STARD8: variants seen among roughly 807,000 people sequenced by gnomAD.
STARD8 encodes stAR-related lipid transfer protein 8.
Under a neutral mutation model 69.4 loss-of-function variants are expected in STARD8, and 25 were observed. The observed-to-expected ratio is 0.36, with a 90% CI of 0.26 to 0.50. The LOEUF is 0.50. Among genes scored for constraint, STARD8 ranks in the 20% least tolerant of loss-of-function variants. The pLI, the probability that STARD8 is intolerant of heterozygous loss-of-function variation, is 0.96. For synonymous variants in STARD8, 389 were observed against 374.6 expected, an observed-to-expected ratio of 1.04 and a Z score of -0.45; for missense variants, 921 against 932.5, an observed-to-expected ratio of 0.99 and a Z score of 0.16.
At chrX:68,697,324 T>C (rs1470553147) in intron 2 of STARD8, among the ~76,000 whole-genome samples, 2 of 112,057 alleles carry the variant, frequency 1.8e-5, no homozygotes, top group Non-Finnish European at 3.8e-5. Context: ...ACAGAGGCAG[T>C]GGCATTTGAG....
chrX:68,719,764 G>A (rs73531944), intron 7 of STARD8, among the ~76,000 whole-genome samples: 3,352 of 111,750 alleles, frequency 0.03, 136 homozygotes, highest in African/African-American at 0.1. Context: ...TTAGCCTACC[G>A]CTCCTAAGCA....
chrX:68,721,002 G>A lies in STARD8; in HGVS notation c.2128G>A (p.Val710Ile), dbSNP rs61996266. The A allele has an allele frequency of 5.4e-4, 655 of 1,210,233 alleles. 3 individuals carry two copies. The African/African-American group carries it at 9.8e-3, about 18-fold the overall frequency. Reference protein sequence around the residue: ...RQMNETSPDNVCYEGQSAYDV... With the variant: ...RQMNETSPDNICYEGQSAYDV... ...AATGAATGAGACCTCGCCTGACAAT[G>A]TCTGCTACGAGGGCCAGTCAGCCTA... The change falls in exon 9 of 15, where the codon GTC (valine) becomes ATC (isoleucine). Residue 710 changes from valine (V) to isoleucine (I), a missense_variant. Physicochemically the swap from Val to Ile is conservative, Grantham distance 29 (BLOSUM62 3). Coordinates refer to ENST00000374599, the MANE Select transcript of STARD8 (RefSeq NM_001142503.3).
At chrX:68,688,452 C>T (rs1024200542) in intron 2 of STARD8, among the ~76,000 whole-genome samples, 3 of 109,932 alleles carry the variant, frequency 2.7e-5, no homozygotes, top group African/African-American at 1.0e-4. Flanking sequence ...GCTTCCAGGG[C>T]GCCACGTCTG....
chrX:68,712,997 C>T lies in STARD8; in HGVS notation c.151+12C>T. ...GCAGCTTTTTGAAGGTAAGGCCACT[C>T]AACTGTTTACCCTCCCATACTTCCC... On this transcript the variant is annotated intron_variant, in intron 3 of 14. Coordinates refer to ENST00000374599, the MANE Select transcript of STARD8 (RefSeq NM_001142503.3). 8.4e-7 allele frequency: 1 copy of T among 1,195,940 alleles called. No individual in the cohort carries two copies. The highest frequency in any genetic ancestry group is 1.1e-6 in the Non-Finnish European group (1 of 885,650).
chrX:68,648,778 G>C (rs996768960), intron 1 of STARD8, among the ~76,000 whole-genome samples: 1 of 111,824 alleles, frequency 8.9e-6, no homozygotes, highest in Non-Finnish European at 1.9e-5. Context: ...GAGCACAGCC[G>C]AACCCACAAG....
At chrX:68,702,288 A>T (rs1445542422) in intron 2 of STARD8, among the ~76,000 whole-genome samples, 3 of 111,926 alleles carry the variant, frequency 2.7e-5, no homozygotes, top group Non-Finnish European at 5.6e-5. Flanking sequence ...CTAAAGGGAG[A>T]GCCGAGGGAG....
Position 68,721,387 on chromosome X carries a change from C to T in STARD8, c.2249-149C>T, listed in dbSNP as rs746703300. Reference sequence around the variant, plus strand: ...GTTAGTAATAAAGCTAGATCAAGCACCCAGAGACCTCACAGAACTGACATT... The same window carrying T: ...GTTAGTAATAAAGCTAGATCAAGCATCCAGAGACCTCACAGAACTGACATT... On this transcript the variant is annotated intron_variant, in intron 9 of 14. Transcript: ENST00000374599. 15 of 611,795 alleles carry T rather than the reference C, an allele frequency of 2.5e-5. No individual in the cohort carries two copies. In the Admixed American group the frequency reaches 5.2e-4, roughly 21 times the overall value. The allele number at this position is 611,795 out of a possible 1,213,427, so 50.4% of individuals were successfully genotyped here.
intron 2 of STARD8, among the ~76,000 whole-genome samples, chrX:68,698,720 G>C (rs763495919): frequency 4.1e-4 from 45 of 110,610 alleles, no homozygotes; most frequent in Non-Finnish European, 7.8e-4. Flanking sequence ...CTACAGAGTT[G>C]GGAAACGGCT....
intron 2 of STARD8, among the ~76,000 whole-genome samples, chrX:68,704,803 C>G (rs1377038306): frequency 1.8e-5 from 2 of 111,523 alleles, no homozygotes; most frequent in African/African-American, 6.5e-5. Context: ...CTACGCATCA[C>G]ACACACCTCT....
At chrX:68,662,615 C>T (rs1361866967) in intron 1 of STARD8, among the ~76,000 whole-genome samples, 1 of 111,760 alleles carries the variant, frequency 8.9e-6, no homozygotes, top group Admixed American at 9.5e-5. Context: ...TGGGACAAAC[C>T]ACAGGCTTTG....
chrX:68,718,819 G>A (rs1291403718), intron 6 of STARD8, among the ~76,000 whole-genome samples, 190 bp downstream of exon 6: 2 of 111,700 alleles, frequency 1.8e-5, no homozygotes, highest in Non-Finnish European at 3.8e-5. Context: ...TGCCTGTGCT[G>A]TGGCCTTGAG....
intron 1 of STARD8, among the ~76,000 whole-genome samples, chrX:68,653,494 C>T (rs1374811386): frequency 4.3e-5 from 2 of 46,162 alleles, no homozygotes; most frequent in African/African-American, 1.6e-4. Context: ...CCCCACACCC[C>T]TCACACACAC....
At chrX:68,693,916 G>A in intron 2 of STARD8, 3 of 652,439 alleles carry the variant, frequency 4.6e-6, no homozygotes, top group South Asian at 7.9e-5. Context: ...GGCGCGCTCC[G>A]GCTCGGCCCT....
At chrX:68,705,219 A>T (rs1355944346) in intron 2 of STARD8, among the ~76,000 whole-genome samples, 1 of 112,415 alleles carries the variant, frequency 8.9e-6, no homozygotes. Context: ...CTTCCTTGTC[A>T]TAGGGAAACC....
At chrX:68,668,393 G>C (rs185001773) in intron 2 of STARD8, among the ~76,000 whole-genome samples, 1 of 104,190 alleles carries the variant, frequency 9.6e-6, no homozygotes, top group Non-Finnish European at 1.9e-5. Flanking sequence ...GTGCAGCATA[G>C]CTCACTGCGG....
At chrX:68,658,443 T>C (rs2079623858) in intron 1 of STARD8, among the ~76,000 whole-genome samples, 1 of 112,501 alleles carries the variant, frequency 8.9e-6, no homozygotes, top group African/African-American at 3.2e-5. Context: ...GATTGGTTTA[T>C]CTCTGAGTCT....
At chrX:68,650,648 T>A (rs961809911) in intron 1 of STARD8, among the ~76,000 whole-genome samples, 4 of 109,207 alleles carry the variant, frequency 3.7e-5, no homozygotes, top group African/African-American at 1.0e-4. Flanking sequence ...GAAAAAAAAA[T>A]TTAAAATTAG....
At chrX:68,695,173 G>T (rs1228895052) in intron 2 of STARD8, among the ~76,000 whole-genome samples, 1 of 106,392 alleles carries the variant, frequency 9.4e-6, no homozygotes, top group Non-Finnish European at 1.9e-5. Flanking sequence ...TCTTGTCTGC[G>T]GATGCGATGG....
chrX:68,656,481 T>C (rs1482094050), intron 1 of STARD8: 5 of 111,880 alleles, frequency 4.5e-5, no homozygotes, highest in African/African-American at 1.6e-4. Context: ...GAAATACCAT[T>C]TGACCCAGCC....
Sources: gnomAD v4.1 joint callset for allele counts (sites outside exome capture counted in the v4.1 genomes callset) on GRCh38, gnomAD v4.1.1 for gene constraint, MANE v1.5 for transcripts, NCBI Gene and HGNC (gene_info 2026-07-23, HGNC 2026-07-21) for gene names.